Variants in SLIT2 observed in about 807,000 individuals in gnomAD.
SLIT2 encodes slit guidance ligand 2.
Under a neutral mutation model 185.7 loss-of-function variants are expected in SLIT2, and 41 were observed. The observed-to-expected ratio is 0.22, with a 90% CI of 0.17 to 0.29. The LOEUF is 0.29. Among genes scored for constraint, SLIT2 ranks in the 10% least tolerant of loss-of-function variants. SLIT2 has a pLI of 1.00. For synonymous variants in SLIT2, 693 were observed against 680.2 expected (o/e 1.02, Z -0.29); for missense variants, 1,571 against 1,909.0 (o/e 0.82, Z 3.30).
rs190467443 is a variant in SLIT2 at position 20,595,722 on chromosome 4, G to C, written c.3208G>C (p.Gly1070Arg). Residue 1070 changes from glycine (G) to arginine (R), a missense_variant, in exon 31 of 37, where the codon GGT becomes CGT. Gly to Arg is a moderately radical substitution (Grantham distance 125). Coordinates refer to ENST00000504154, the MANE Select transcript of SLIT2 (RefSeq NM_004787.4). ...ATGTGACTGCACACCAGGGTACGTA[G>C]GTGAACACTGCGACATCGATTTTGA... Reference protein sequence around the residue: ...FKCDCTPGYVGEHCDIDFDDC... With the variant: ...FKCDCTPGYVREHCDIDFDDC... 6.2e-7 allele frequency: 1 copy of C among 1,614,146 alleles called. No individual in the cohort carries two copies. Among genetic ancestry groups the C allele is most frequent in the East Asian group, 2.2e-5 (1 of 44,874 alleles).
At chr4:20,560,057 C>T (rs1049905142) in intron 26 of SLIT2, among the ~76,000 whole-genome samples, 1 of 151,842 alleles carries the variant, frequency 6.6e-6, no homozygotes, top group Non-Finnish European at 1.5e-5. Flanking sequence ...AGTTTTAAAG[C>T]AGCAAAGTCA....
At chr4:20,409,275 A>G (rs1727015613) in intron 4 of SLIT2, among the ~76,000 whole-genome samples, 1 of 152,016 alleles carries the variant, frequency 6.6e-6, no homozygotes, top group Non-Finnish European at 1.5e-5. Flanking sequence ...CCATGTGTCC[A>G]TGTGTTCTCC....
chr4:20,608,659 T>A (rs1728970159), intron 33 of SLIT2, among the ~76,000 whole-genome samples: 2 of 152,160 alleles, frequency 1.3e-5, no homozygotes, highest in Admixed American at 1.3e-4. Flanking sequence ...GTGATTTCTC[T>A]TGTTCTCAAA....
chr4:20,616,858 T>C, intron 34 of SLIT2, 52 bp from the exon 35 acceptor site: 1 of 1,523,580 alleles, frequency 6.6e-7, no homozygotes, highest in Admixed American at 2.0e-5. Flanking sequence ...GAGTAGCAAA[T>C]GGCTCAGAAA....
intron 4 of SLIT2, among the ~76,000 whole-genome samples, chr4:20,423,035 A>G (rs1728282452): frequency 6.6e-6 from 1 of 152,072 alleles, no homozygotes; most frequent in African/African-American, 2.4e-5. Flanking sequence ...TTTCTATGAC[A>G]TCGCTATCCC....
At chr4:20,375,280 C>T (rs1005997554) in intron 4 of SLIT2, among the ~76,000 whole-genome samples, 3 of 151,932 alleles carry the variant, frequency 2.0e-5, no homozygotes, top group East Asian at 1.9e-4. Context: ...GAGTTTTGTT[C>T]GTCCAGTTCT....
intron 4 of SLIT2, among the ~76,000 whole-genome samples, chr4:20,356,236 T>G (rs141514697): frequency 2.2e-4 from 34 of 152,298 alleles, no homozygotes; most frequent in South Asian, 1.7e-3. Flanking sequence ...ACTAGAATTT[T>G]GAGGCTAGGT....
chr4:20,277,492 C>T (rs1714282904), intron 4 of SLIT2, among the ~76,000 whole-genome samples: 1 of 151,528 alleles, frequency 6.6e-6, no homozygotes, highest in African/African-American at 2.4e-5. Flanking sequence ...ATTGAATTTA[C>T]ATTATACATT....
chr4:20,354,214 T>C (rs1722118837), intron 4 of SLIT2, among the ~76,000 whole-genome samples: 1 of 150,178 alleles, frequency 6.7e-6, no homozygotes, highest in African/African-American at 2.5e-5. Flanking sequence ...GTAGGTTTTT[T>C]TTCTTTTTTT....
chr4:20,466,029 C>T lies in SLIT2; in HGVS notation c.396-1723C>T, dbSNP rs538188175. Among the ~76,000 whole-genome samples, 8 of 151,394 alleles carry T rather than the reference C, an allele frequency of 5.3e-5. No individual in the cohort carries two copies. In the South Asian group the frequency reaches 1.5e-3, roughly 28 times the overall value. On this transcript the variant is annotated intron_variant, in intron 4 of 36. Coordinates refer to ENST00000504154, the MANE Select transcript of SLIT2 (RefSeq NM_004787.4). ...TTAGAAAACATGGAATTGGCGAAGA[C>T]AGAATAGTAGAAACACTACTAAATG...
At chr4:20,520,294 C>T (rs1291310648) in intron 12 of SLIT2, among the ~76,000 whole-genome samples, 2 of 152,112 alleles carry the variant, frequency 1.3e-5, no homozygotes, top group Non-Finnish European at 2.9e-5. Flanking sequence ...GGAGATTTAA[C>T]ACCATGTGTT....
chr4:20,348,474 C>G (rs1721613266), intron 4 of SLIT2, among the ~76,000 whole-genome samples: 1 of 151,808 alleles, frequency 6.6e-6, no homozygotes, highest in Non-Finnish European at 1.5e-5. Flanking sequence ...GTCTGGAACT[C>G]CTGACCTCAG....
chr4:20,455,045 T>C (rs1005953850), intron 4 of SLIT2, among the ~76,000 whole-genome samples: 1 of 152,198 alleles, frequency 6.6e-6, no homozygotes, highest in African/African-American at 2.4e-5. Flanking sequence ...ATGTTTAGGA[T>C]ATATACATTA....
At chr4:20,314,358 A>G (rs1379413717) in intron 4 of SLIT2, among the ~76,000 whole-genome samples, 1 of 152,250 alleles carries the variant, frequency 6.6e-6, no homozygotes, top group African/African-American at 2.4e-5. Context: ...TCACAGTTTT[A>G]GAGGTTTATG....
chr4:20,294,163 C>T (rs1716240933), intron 4 of SLIT2, among the ~76,000 whole-genome samples: 1 of 151,942 alleles, frequency 6.6e-6, no homozygotes, highest in Non-Finnish European at 1.5e-5. Context: ...GCCTGGCCAA[C>T]ATGACGAAAC....
At chr4:20,610,897 G>A (rs1245085664) in intron 34 of SLIT2, among the ~76,000 whole-genome samples, 1 of 152,152 alleles carries the variant, frequency 6.6e-6, no homozygotes, top group East Asian at 1.9e-4. Context: ...GAATAAATGA[G>A]GGACAGAGAT....
rs551793648 is a variant in SLIT2 at position 20,372,917 on chromosome 4, G to T, written c.396-94835G>T. Among the ~76,000 whole-genome samples the T allele has an allele frequency of 5.7e-4, 87 of 152,156 alleles. No homozygotes were observed. The South Asian group carries it at 0.015, about 25-fold the overall frequency. On this transcript the variant is annotated intron_variant, in intron 4 of 36. Transcript: ENST00000504154. The stretch of plus-strand genomic sequence containing the variant: ...TATTTAATAAACCTAATGGAGAGAA[G>T]TTGCCTTTAAAGAAACCAACAGATA...
intron 4 of SLIT2, among the ~76,000 whole-genome samples, chr4:20,414,555 T>A (rs1426518557): frequency 4.6e-5 from 7 of 152,208 alleles, no homozygotes; most frequent in Non-Finnish European, 8.8e-5. Context: ...ACACCTTTTT[T>A]AAAAATTTTT....
intron 4 of SLIT2, among the ~76,000 whole-genome samples, chr4:20,459,995 C>T (rs1290107864): frequency 2.6e-5 from 4 of 151,728 alleles, no homozygotes; most frequent in Non-Finnish European, 4.4e-5. Flanking sequence ...TCCCAAGTAG[C>T]TGAGATTGCA....
Sources: allele counts gnomAD v4.1 joint callset (sites outside exome capture counted in the v4.1 genomes callset), GRCh38; gene constraint gnomAD v4.1.1; transcripts MANE v1.5; gene names NCBI Gene and HGNC (gene_info 2026-07-23, HGNC 2026-07-21).